C3orf49: variants seen among roughly 807,000 people sequenced by gnomAD.
The protein encoded by C3orf49 is chromosome 3 open reading frame 49.
Under a neutral mutation model 13.3 loss-of-function variants are expected in C3orf49, and 27 were observed. That is an observed-to-expected ratio of 2.02 (90% CI 1.49 to 2.79). The LOEUF (loss-of-function observed/expected upper bound fraction) is 2.79. Among genes scored for constraint, C3orf49 ranks in the 30% most tolerant of loss-of-function variants. C3orf49 has a pLI of 0.00. For synonymous variants in C3orf49, 87 were observed against 47.6 expected, an observed-to-expected ratio of 1.83 and a Z score of -3.40; for missense variants, 242 against 134.2, an observed-to-expected ratio of 1.80 and a Z score of -3.97.
the C3orf49 span, among the ~76,000 whole-genome samples, chr3:63,781,778 A>T: frequency 6.6e-6 from 1 of 152,216 alleles, no homozygotes; most frequent in African/African-American, 2.4e-5. Context: ...CATGAGCTTA[A>T]CAAGCAACCC....
chr3:63,798,193 T>C, the C3orf49 span, among the ~76,000 whole-genome samples: 3 of 152,172 alleles, frequency 2.0e-5, no homozygotes, highest in Non-Finnish European at 4.4e-5. Flanking sequence ...AGGGGAGATG[T>C]GTAGACATCA....
intron 6 of C3orf49, among the ~76,000 whole-genome samples, chr3:63,845,477 C>T (rs566386316): frequency 1.3e-5 from 2 of 152,120 alleles, no homozygotes; most frequent in Non-Finnish European, 1.5e-5. Context: ...GGGAAATGTG[C>T]GTTACACTCT....
chr3:63,785,615 T>A, the C3orf49 span, among the ~76,000 whole-genome samples: 28,040 of 152,084 alleles, frequency 0.18, 2,545 homozygotes, highest in East Asian at 0.26. Flanking sequence ...GGAGATGGCA[T>A]GTGTGTGCAT....
chr3:63,808,444 C>T, the C3orf49 span, among the ~76,000 whole-genome samples: 1 of 152,126 alleles, frequency 6.6e-6, no homozygotes, highest in Non-Finnish European at 1.5e-5. Context: ...CATTATATGT[C>T]CTACTGTGCT....
intron 5 of C3orf49, chr3:63,835,497 G>A: frequency 3.0e-6 from 3 of 988,728 alleles, no homozygotes; most frequent in South Asian, 3.2e-5. Context: ...TAAAAAAAGG[G>A]CTTATAAGGA....
At chr3:63,811,678 A>T in the C3orf49 span, among the ~76,000 whole-genome samples, 3 of 151,954 alleles carry the variant, frequency 2.0e-5, no homozygotes, top group African/African-American at 4.8e-5. Flanking sequence ...GCCTCAGTTC[A>T]ACTTGGGAGG....
At chr3:63,801,115 G>A in the C3orf49 span, among the ~76,000 whole-genome samples, 1 of 152,166 alleles carries the variant, frequency 6.6e-6, no homozygotes. Flanking sequence ...GACACTTGTT[G>A]AGCACCTACT....
At chr3:63,789,914 A>G in the C3orf49 span, among the ~76,000 whole-genome samples, 2 of 151,088 alleles carry the variant, frequency 1.3e-5, no homozygotes, top group Non-Finnish European at 2.9e-5. Flanking sequence ...CCTTTCCTCC[A>G]CAGTATATTA....
At chr3:63,795,556 C>G in the C3orf49 span, among the ~76,000 whole-genome samples, 1 of 152,228 alleles carries the variant, frequency 6.6e-6, no homozygotes, top group African/African-American at 2.4e-5. Flanking sequence ...CCTGATTTTC[C>G]TTTTACCTTG....
the C3orf49 span, among the ~76,000 whole-genome samples, chr3:63,801,107 C>A: frequency 2.0e-5 from 3 of 152,182 alleles, no homozygotes; most frequent in African/African-American, 7.2e-5. Context: ...AAAAGGGAGA[C>A]ACTTGTTGAG....
intron 3 of C3orf49, among the ~76,000 whole-genome samples, chr3:63,828,293 T>C (rs537807288): frequency 6.6e-6 from 1 of 151,988 alleles, no homozygotes; most frequent in South Asian, 2.1e-4. Flanking sequence ...TATGCATGGG[T>C]TTTGTTTGTG....
intron 5 of C3orf49, chr3:63,835,431 G>A (rs1275056063): frequency 3.2e-6 from 5 of 1,585,308 alleles, no homozygotes; most frequent in African/African-American, 2.7e-5. Context: ...CTGAATGGGG[G>A]AGAAGAGTTT....
chr3:63,807,710 A>G, the C3orf49 span, among the ~76,000 whole-genome samples: 8 of 151,830 alleles, frequency 5.3e-5, no homozygotes, highest in Non-Finnish European at 1.2e-4. Flanking sequence ...TACAAAAATT[A>G]GTCGGGCGTG....
At chr3:63,822,084 T>C (rs1575795595) in intron 1 of C3orf49, among the ~76,000 whole-genome samples, 2 of 152,094 alleles carry the variant, frequency 1.3e-5, no homozygotes, top group Admixed American at 6.6e-5. Flanking sequence ...CACAACATTC[T>C]CCTGCCTCAG....
intron 5 of C3orf49, chr3:63,839,831 A>C (rs751878626): frequency 1.0e-5 from 14 of 1,355,650 alleles, no homozygotes; most frequent in Non-Finnish European, 1.4e-5. Context: ...AAGTACAAAT[A>C]ACCAGTATCA....
Position 63,819,407 on chromosome 3 carries a change from T to C in C3orf49, c.-65T>C, listed in dbSNP as rs921640174. On this transcript the variant is annotated 5_prime_UTR_variant, in exon 1 of 7. Coordinates refer to ENST00000295896, the MANE Select transcript of C3orf49 (RefSeq NM_001355236.2). ...CATTCAGTCACTGGATGATTTTGTA[T>C]TGAAGTCTGTAAGTTCAAGAACTAA... 12 of 686,084 alleles carry C rather than the reference T, an allele frequency of 1.7e-5. No homozygotes were observed. Among genetic ancestry groups the C allele is most frequent in the South Asian group, 9.2e-5 (6 of 65,430 alleles). The allele number at this position is 686,084 out of a possible 1,614,324, so 42.5% of individuals were successfully genotyped here.
chr3:63,842,009 G>T (rs370396453), intron 5 of C3orf49, among the ~76,000 whole-genome samples: 42 of 152,204 alleles, frequency 2.8e-4, no homozygotes, highest in African/African-American at 9.4e-4. Context: ...TAAAGTAATA[G>T]GAAAACAACA....
chr3:63,847,986 A>T (rs1194183290), intron 6 of C3orf49, among the ~76,000 whole-genome samples: 2 of 152,230 alleles, frequency 1.3e-5, no homozygotes, highest in Non-Finnish European at 2.9e-5. Flanking sequence ...ATTCAGGCAC[A>T]ACTGACCAGC....
the C3orf49 span, among the ~76,000 whole-genome samples, chr3:63,789,338 A>G: frequency 6.6e-6 from 1 of 152,178 alleles, no homozygotes; most frequent in African/African-American, 2.4e-5. Flanking sequence ...CCCTGGTGCC[A>G]AAAAGGTTGA....
Sources: gnomAD v4.1 joint callset for allele counts (sites outside exome capture counted in the v4.1 genomes callset) on GRCh38, gnomAD v4.1.1 for gene constraint, MANE v1.5 for transcripts, NCBI Gene and HGNC (gene_info 2026-07-23, HGNC 2026-07-21) for gene names.